Variants in DEDD observed in about 807,000 individuals in gnomAD.
DEDD encodes the protein death effector domain-containing protein.
A neutral mutation model predicts 29.2 loss-of-function variants in DEDD; 3 were observed. The ratio of observed to expected loss-of-function variants is 0.10; its 90% confidence interval spans 0.05 to 0.27. The LOEUF (loss-of-function observed/expected upper bound fraction) is 0.27, where lower values mean the gene tolerates loss of function less well. Among genes scored for constraint, DEDD ranks in the 10% least tolerant of loss-of-function variants. DEDD has a pLI of 1.00. For synonymous variants in DEDD, 152 were observed against 161.3 expected (o/e 0.94, Z 0.44); for missense variants, 261 against 420.5 (o/e 0.62, Z 3.32).
chr1:161,127,132 C>T lies in DEDD; in HGVS notation c.-64-2606G>A, dbSNP rs147205126. Among the ~76,000 whole-genome samples the T allele has an allele frequency of 3.2e-3, 483 of 152,232 alleles. 5 individuals are homozygous for T. Among genetic ancestry groups the T allele is most frequent in the South Asian group, 0.02 (97 of 4,824 alleles). On this transcript the variant is annotated intron_variant, in intron 2 of 5. Coordinates refer to ENST00000368006, the MANE Select transcript of DEDD (RefSeq NM_032998.3). The stretch of plus-strand genomic sequence containing the variant: ...AGAGCCTCAAATATAGTGGGAGCAA[C>T]CCACTGTTGAACTGAACTTAATCTC...
rs1655621532 is a variant in DEDD, at chr1:161,122,563, T to G, written c.581-40A>C. On this transcript the variant is annotated intron_variant, in intron 5 of 5. Transcript: ENST00000368006. This position sits in a 1 kb window ranked among gnomAD's most constrained non-coding sequence, Gnocchi z 4.2. ...AGATACAGAGCAGAAGAGGTTACAG[T>G]AAGGGATGAGTTTACAAGCCAAGCT... 1.3e-6 allele frequency: 2 copies of G among 1,587,096 alleles called. No individual in the cohort carries two copies. Among genetic ancestry groups the G allele is most frequent in the African/African-American group, 1.4e-5 (1 of 73,750 alleles).
At chr1:161,126,005 T>TAA (rs1046849730) in intron 2 of DEDD, among the ~76,000 whole-genome samples, 9 of 152,206 alleles carry the variant, frequency 5.9e-5, no homozygotes, top group African/African-American at 2.2e-4. Context: ...CACTCATACT[T>TAA]ACTGCTCCAC....
chr1:161,122,113 G>A lies in DEDD; in HGVS notation c.*34C>T. The A allele has an allele frequency of 6.2e-7, 1 of 1,606,142 alleles. No homozygotes were observed. The highest frequency in any genetic ancestry group is 2.2e-5 in the East Asian group (1 of 44,796). On this transcript the variant is annotated 3_prime_UTR_variant, in exon 6 of 6. Transcript: ENST00000368006. This position sits in a 1 kb window ranked among gnomAD's most constrained non-coding sequence, Gnocchi z 4.2. ...AGTGTAAGCTCCAGAGGTGGGTGAT[G>A]GGAACAGTCCCCAAAGTGAGAAGAG...
intron 2 of DEDD, among the ~76,000 whole-genome samples, chr1:161,128,568 T>TCCAGC (rs1179718515): frequency 1.3e-5 from 2 of 152,082 alleles, no homozygotes; most frequent in East Asian, 1.9e-4. Context: ...GCCACTGCAG[T>TCCAGC]CCAGCCCAGG....
Position 161,123,852 on chromosome 1 carries a change from C to G in DEDD, c.420G>C (p.Gln140His). The G allele has an allele frequency of 6.2e-7, 1 of 1,613,742 alleles. No homozygotes were observed. Among genetic ancestry groups the G allele is most frequent in the Non-Finnish European group, 8.5e-7 (1 of 1,179,884 alleles). ...ALSDPEPRPP[Q>H]PSKTVPPHYP... ...ATGTCTTCTCACCTGTTTTAGAGGGCTGGGGAGGCCTTGGTTCTGGATCAC... is the reference window on the plus strand; with the variant it reads ...ATGTCTTCTCACCTGTTTTAGAGGGGTGGGGAGGCCTTGGTTCTGGATCAC... Residue 140 changes from glutamine (Q) to histidine (H), a missense_variant, in exon 4 of 6, where the codon CAG becomes CAC. This residue lies in a region of DEDD where 203 missense variants were observed against 268.7 expected (regional missense o/e 0.76). Transcript: ENST00000368006.
Position 161,122,103 on chromosome 1 carries a change from G to T in DEDD, c.*44C>A, listed in dbSNP as rs759879893. The T allele has an allele frequency of 1.6e-5, 25 of 1,602,484 alleles. No individual in the cohort carries two copies. The Middle Eastern group carries it at 8.9e-4, about 57-fold the overall frequency. ...ACCCCAGAACAGTGTAAGCTCCAGA[G>T]GTGGGTGATGGGAACAGTCCCCAAA... is the stretch of plus-strand genomic sequence containing the variant. On this transcript the variant is annotated 3_prime_UTR_variant, in exon 6 of 6. Transcript: ENST00000368006. The surrounding 1 kb of genome is among the most constrained non-coding windows in gnomAD (Gnocchi z 4.2).
rs775597637 is a variant in DEDD at position 161,123,860 on chromosome 1, G to A, written c.412C>T (p.Pro138Ser). The change falls in exon 4 of 6, where the codon CCT becomes TCT. Residue 138 changes from proline (P) to serine (S), a missense_variant. By Grantham distance (74) the Pro-to-Ser change is moderately conservative. Around this residue, in one of 2 missense-constraint regions of DEDD, gnomAD observed 203 missense variants for 268.7 expected, o/e 0.76. Transcript: ENST00000368006. Reference protein sequence around the residue: ...PRALSDPEPRPPQPSKTVPPH... With the variant: ...PRALSDPEPRSPQPSKTVPPH... ...TCACCTGTTTTAGAGGGCTGGGGAG[G>A]CCTTGGTTCTGGATCACTGAGGGCT... is the stretch of plus-strand genomic sequence containing the variant. The A allele has an allele frequency of 6.8e-6, 11 of 1,613,812 alleles. No homozygotes were observed. Among genetic ancestry groups the A allele is most frequent in the Non-Finnish European group, 8.5e-6 (10 of 1,179,976 alleles).
chr1:161,131,373 T>C (rs1409364474), intron 1 of DEDD, among the ~76,000 whole-genome samples: 3 of 152,182 alleles, frequency 2.0e-5, no homozygotes, highest in Non-Finnish European at 2.9e-5. Context: ...GAAAAGTTTT[T>C]CTACATACAG....
rs775139574 is a variant in DEDD at position 161,123,151 on chromosome 1, T to C, written c.504A>G (p.Arg168=). ...GCTGGCTCCCAAGTGTGGCTCTCCC[T>C]CGGGCTGGCCGCTTGCTACACATCT... ...GPQMCSKRPA[R]GRATLGSQRK... is the part of the protein sequence containing the mutation. Residue 168 remains arginine, a synonymous_variant, in exon 5 of 6, where the codon CGA becomes CGG. Coordinates refer to ENST00000368006, the MANE Select transcript of DEDD (RefSeq NM_032998.3). 1 of 1,614,152 alleles carries C rather than the reference T, an allele frequency of 6.2e-7. No homozygotes were observed. The highest frequency in any genetic ancestry group is 8.5e-7 in the Non-Finnish European group (1 of 1,180,042).
intron 2 of DEDD, among the ~76,000 whole-genome samples, chr1:161,126,571 T>G (rs1318051112): frequency 1.3e-5 from 2 of 151,862 alleles, no homozygotes; most frequent in Non-Finnish European, 2.9e-5. Context: ...CTCGAACTCC[T>G]GACCTTGTGA....
chr1:161,125,612 G>A (rs774061565), intron 2 of DEDD, among the ~76,000 whole-genome samples: 2 of 151,568 alleles, frequency 1.3e-5, no homozygotes, highest in Non-Finnish European at 2.9e-5. Flanking sequence ...AGCAATTCTC[G>A]TGCCTCAGCC....
At position 161,124,394 on chromosome 1, in the gene DEDD, C is replaced by G; in HGVS notation, c.69G>C (p.Leu23=). The change falls in exon 3 of 6, where the codon CTG becomes CTC. Residue 23 remains leucine (L), a synonymous_variant. Coordinates refer to ENST00000368006, the MANE Select transcript of DEDD (RefSeq NM_032998.3). ...TGTCAAACATGCGGTGCAGGCTGTA[C>G]AGCCCATGTTCCTGCTCACCATGCT... ...PEEHGEQEHG[L]YSLHRMFDIV... 3 of 1,613,982 alleles carry G rather than the reference C, an allele frequency of 1.9e-6. No individual in the cohort carries two copies. Among genetic ancestry groups the G allele is most frequent in the Non-Finnish European group, 1.7e-6 (2 of 1,179,966 alleles).
At chr1:161,128,878 A>G (rs962257815) in intron 2 of DEDD, among the ~76,000 whole-genome samples, 1 of 152,176 alleles carries the variant, frequency 6.6e-6, no homozygotes, top group Non-Finnish European at 1.5e-5. Context: ...AAGGTGTTTC[A>G]TGCCACTCCA....
Position 161,124,539 on chromosome 1 carries a change from G to T in DEDD, c.-64-13C>A. The T allele has an allele frequency of 6.5e-7, 1 of 1,531,358 alleles. No individual in the cohort carries two copies. Among genetic ancestry groups the T allele is most frequent in the Non-Finnish European group, 8.8e-7 (1 of 1,138,924 alleles). The allele number at this position is 1,531,358 out of a possible 1,614,324, so 94.9% of individuals were successfully genotyped here. On this transcript the variant is annotated splice_polypyrimidine_tract_variant and intron_variant, in intron 2 of 5. Coordinates refer to ENST00000368006, the MANE Select transcript of DEDD (RefSeq NM_032998.3). Reference sequence around the variant, plus strand: ...AATCCCCACCGTACTGAAAGGGCAGGGAAAGAACCGATGAGACACTCAAGG... The same window carrying T: ...AATCCCCACCGTACTGAAAGGGCAGTGAAAGAACCGATGAGACACTCAAGG...
chr1:161,122,650 C>T lies in DEDD; in HGVS notation c.581-127G>A, dbSNP rs2101736191. 1.7e-6 allele frequency: 2 copies of T among 1,210,756 alleles called. No homozygotes were observed. The highest frequency in any genetic ancestry group is 2.3e-6 in the Non-Finnish European group (2 of 878,328). 75.0% of individuals were successfully genotyped at this position (1,210,756 alleles called of 1,614,324 possible). Reference sequence around the variant, plus strand: ...GAATATCACCTGACAGCTTCTCTACCTCTTCCCCAGGACTATTTCTATGTA... The same window carrying T: ...GAATATCACCTGACAGCTTCTCTACTTCTTCCCCAGGACTATTTCTATGTA... On this transcript the variant is annotated intron_variant, in intron 5 of 5. Coordinates refer to ENST00000368006, the MANE Select transcript of DEDD (RefSeq NM_032998.3). This position sits in a 1 kb window ranked among gnomAD's most constrained non-coding sequence, Gnocchi z 4.2.
chr1:161,122,720 ACATGCCGAG>A lies in DEDD; in HGVS notation c.581-206_581-198del, dbSNP rs1345946146. 2.6e-5 allele frequency among the ~76,000 whole-genome samples: 4 copies of A among 152,236 alleles called. No homozygotes were observed. The highest frequency in any genetic ancestry group is 5.9e-5 in the Non-Finnish European group (4 of 68,036). Reference sequence around the variant, plus strand: ...AATGCAGGAGGTTCCCTTAAACGGGACATGCCGAGGTCAGCACTGTTCCCATTACTCACA... The same window carrying A: ...AATGCAGGAGGTTCCCTTAAACGGGAGTCAGCACTGTTCCCATTACTCACA... On this transcript the variant is annotated intron_variant, in intron 5 of 5. Transcript: ENST00000368006. The surrounding 1 kb of genome is among the most constrained non-coding windows in gnomAD (Gnocchi z 4.2).
At chr1:161,126,585 G>A (rs1343717541) in intron 2 of DEDD, among the ~76,000 whole-genome samples, 5 of 151,436 alleles carry the variant, frequency 3.3e-5, no homozygotes, top group African/African-American at 9.7e-5. Flanking sequence ...CTTGTGATCC[G>A]CCTGCCTCGG....
At chr1:161,132,408 C>A (rs1656766348) in intron 1 of DEDD, 143 bp downstream of exon 1, 1 of 155,010 alleles carries the variant, frequency 6.5e-6, no homozygotes, top group Non-Finnish European at 1.5e-5. Context: ...CGTCCCGTCA[C>A]CTCCCTCTCT....
At chr1:161,128,121 A>C (rs969986574) in intron 2 of DEDD, among the ~76,000 whole-genome samples, 7 of 152,228 alleles carry the variant, frequency 4.6e-5, no homozygotes, top group African/African-American at 1.7e-4. Context: ...TTTAAGTCCT[A>C]GATCCCAGGC....
Sources: allele counts gnomAD v4.1 joint callset (sites outside exome capture counted in the v4.1 genomes callset), GRCh38; gene constraint gnomAD v4.1.1; regional missense constraint gnomAD v4.1.1; non-coding constraint Gnocchi (gnomAD v3.1); transcripts MANE v1.5; gene names NCBI Gene and HGNC (gene_info 2026-07-23, HGNC 2026-07-21).